Variants in EMID1 observed in about 807,000 individuals in gnomAD.
The protein encoded by EMID1 is EMI domain-containing protein 1.
EMID1 carries 40 observed loss-of-function variants against 60.6 expected under a neutral mutation model. That is an observed-to-expected ratio of 0.66 (90% CI 0.51 to 0.86). The LOEUF is 0.86. Ranked by LOEUF, EMID1 falls within the 40% of genes least tolerant of loss-of-function variation. The pLI is 0.00. For missense variants in EMID1, 585 were observed against 597.1 expected (o/e 0.98, Z 0.21); for synonymous variants, 242 against 231.0 (o/e 1.05, Z -0.43).
intron 13 of EMID1, among the ~76,000 whole-genome samples, chr22:29,247,751 T>A (rs892196876): frequency 4.0e-5 from 6 of 151,772 alleles, no homozygotes; most frequent in Admixed American, 3.3e-4. Context: ...TGCCTCAGCC[T>A]CCTGGGTAGC....
At position 29,224,186 on chromosome 22, in the gene EMID1, C is replaced by T. The variant is rs539461202; in HGVS notation, c.320-947C>T. On this transcript the variant is annotated intron_variant, in intron 3 of 14. Coordinates refer to ENST00000334018, the MANE Select transcript of EMID1 (RefSeq NM_133455.4). The stretch of plus-strand genomic sequence containing the variant: ...CCGCTGGGGGCTGGCCAGAGGGACC[C>T]GTCTGGTTTGAGTTCCCGGCGCCTC... Among the ~76,000 whole-genome samples the T allele has an allele frequency of 7.0e-4, 107 of 152,332 alleles. 2 individuals carry two copies. The South Asian group carries it at 0.019, about 27-fold the overall frequency.
chr22:29,231,076 G>T lies in EMID1; in HGVS notation c.522G>T (p.Glu174Asp). 6.2e-7 allele frequency: 1 copy of T among 1,613,944 alleles called. No homozygotes were observed. The highest frequency in any genetic ancestry group is 1.7e-5 in the Admixed American group (1 of 59,994). Residue 174 changes from glutamate to aspartate, a missense_variant, in exon 6 of 15, where the codon GAG (glutamate) becomes GAT (aspartate). Coordinates refer to ENST00000334018, the MANE Select transcript of EMID1 (RefSeq NM_133455.4). ...QPVPPTPATP[E>D]DPAPLWGPPP... ...TACCTCCAACACCAGCTACCCCTGA[G>T]GACCCTGCCCCGCTCTGGGGTCCCC...
At chr22:29,219,039 C>T (rs1382788706) in intron 3 of EMID1, among the ~76,000 whole-genome samples, 1 of 152,104 alleles carries the variant, frequency 6.6e-6, no homozygotes, top group Non-Finnish European at 1.5e-5. Flanking sequence ...AGGTTTACCC[C>T]CTGCAGGAGC....
chr22:29,210,250 ATTTT>A (rs132374), intron 1 of EMID1, among the ~76,000 whole-genome samples: 8 of 126,846 alleles, frequency 6.3e-5, no homozygotes, highest in Admixed American at 1.6e-4. Context: ...CACATGGCAA[ATTTT>A]TTTTTTTTTT....
At chr22:29,245,902 A>G (rs953766325) in intron 13 of EMID1, among the ~76,000 whole-genome samples, 30 of 152,280 alleles carry the variant, frequency 2.0e-4, no homozygotes, top group Non-Finnish European at 3.5e-4. Context: ...ACCAGCTACC[A>G]TTCCCCAAGC....
chr22:29,252,023 G>A (rs553736568), intron 13 of EMID1, among the ~76,000 whole-genome samples: 1 of 152,284 alleles, frequency 6.6e-6, no homozygotes, highest in East Asian at 1.9e-4. Flanking sequence ...TGCCCAGGCT[G>A]GTCTCAAACT....
At chr22:29,244,882 G>A (rs1602028983) in intron 13 of EMID1, among the ~76,000 whole-genome samples, 1 of 152,154 alleles carries the variant, frequency 6.6e-6, no homozygotes, top group African/African-American at 2.4e-5. Context: ...TCAGGAGAGA[G>A]AGACAACTAG....
chr22:29,234,191 G>A lies in EMID1; in HGVS notation c.1021G>A (p.Gly341Ser), dbSNP rs1262509341. ...AATCTCTGGCCACCCAGGAGAGAAG[G>A]GCGAGAGAGTGAGTACCCAGGTGGC... Reference protein sequence around the residue: ...KGISGHPGEKGERGLRGEPGP... With the variant: ...KGISGHPGEKSERGLRGEPGP... Residue 341 changes from glycine (G) to serine (S), a missense_variant, in exon 11 of 15, where the codon GGC becomes AGC. Physicochemically the swap from Gly to Ser is moderately conservative, Grantham distance 56. Transcript: ENST00000334018. 2 of 1,605,060 alleles carry A rather than the reference G, an allele frequency of 1.2e-6. No individual in the cohort carries two copies. The highest frequency in any genetic ancestry group is 2.2e-5 in the East Asian group (1 of 44,576).
chr22:29,206,922 T>C (rs934258765), intron 1 of EMID1, among the ~76,000 whole-genome samples: 1 of 152,230 alleles, frequency 6.6e-6, no homozygotes, highest in African/African-American at 2.4e-5. Flanking sequence ...AATCTGCCCT[T>C]CTATCCTTGA....
intron 13 of EMID1, among the ~76,000 whole-genome samples, chr22:29,243,817 G>A (rs1344400290): frequency 6.6e-6 from 1 of 152,224 alleles, no homozygotes; most frequent in Non-Finnish European, 1.5e-5. Context: ...ACCCAGGCCA[G>A]ACTGCATCCC....
intron 12 of EMID1, among the ~76,000 whole-genome samples, chr22:29,238,375 C>G (rs1055846627): frequency 7.1e-6 from 1 of 140,046 alleles, no homozygotes; most frequent in East Asian, 2.1e-4. Flanking sequence ...CCGCCTCCAC[C>G]TCTCGAGTAG....
intron 4 of EMID1, 53 bp from the exon 5 acceptor site, chr22:29,226,437 G>C (rs2040512196): frequency 1.3e-6 from 2 of 1,590,600 alleles, no homozygotes. Flanking sequence ...GAAGGGTTCT[G>C]AGGGGAAGCC....
chr22:29,211,479 G>C lies in EMID1; in HGVS notation c.102-3447G>C, dbSNP rs948786008. Among the ~76,000 whole-genome samples the C allele has an allele frequency of 3.3e-5, 5 of 151,832 alleles. No individual in the cohort carries two copies. In the South Asian group the frequency reaches 1.0e-3, roughly 32 times the overall value. Reference sequence around the variant, plus strand: ...GCTCACTGCAGTGCGTATTTGCCCTGTGTGCCTGTGTGTGCATGTGTGTGC... The same window carrying C: ...GCTCACTGCAGTGCGTATTTGCCCTCTGTGCCTGTGTGTGCATGTGTGTGC... On this transcript the variant is annotated intron_variant, in intron 1 of 14. Coordinates refer to ENST00000334018, the MANE Select transcript of EMID1 (RefSeq NM_133455.4).
At chr22:29,225,680 G>T (rs2040479005) in intron 4 of EMID1, among the ~76,000 whole-genome samples, 1 of 152,120 alleles carries the variant, frequency 6.6e-6, no homozygotes, top group East Asian at 1.9e-4. Flanking sequence ...AGCCAGGAGT[G>T]GGGGCAGCAC....
chr22:29,258,945 G>C lies in EMID1; in HGVS notation c.*1G>C. On this transcript the variant is annotated 3_prime_UTR_variant, in exon 15 of 15. Coordinates refer to ENST00000334018, the MANE Select transcript of EMID1 (RefSeq NM_133455.4). ...CAGGAGCCGGGACGAGAGAGGCTGA[G>C]GGTGGTGGCGGCCCCTGAGGCAGAC... 6.2e-7 allele frequency: 1 copy of C among 1,611,384 alleles called. No homozygotes were observed. Among genetic ancestry groups the C allele is most frequent in the Non-Finnish European group, 8.5e-7 (1 of 1,178,898 alleles).
intron 13 of EMID1, among the ~76,000 whole-genome samples, chr22:29,252,958 G>A (rs1393266224): frequency 2.0e-5 from 3 of 152,140 alleles, no homozygotes; most frequent in Non-Finnish European, 4.4e-5. Flanking sequence ...AATTTTAAGC[G>A]CAAGTTCTCC....
intron 4 of EMID1, among the ~76,000 whole-genome samples, chr22:29,225,933 G>A (rs1164100997): frequency 6.6e-6 from 1 of 152,178 alleles, no homozygotes; most frequent in Non-Finnish European, 1.5e-5. Context: ...TGGGTCAGGG[G>A]AGGCTCAGAG....
At chr22:29,206,263 A>G in intron 1 of EMID1, 124 bp downstream of exon 1, 2 of 759,144 alleles carry the variant, frequency 2.6e-6, no homozygotes, top group Non-Finnish European at 3.5e-6. Context: ...GGGCAGGGAC[A>G]CGGCCATCCC....
intron 3 of EMID1, among the ~76,000 whole-genome samples, chr22:29,223,055 C>T (rs1449171430): frequency 6.6e-6 from 1 of 152,174 alleles, no homozygotes; most frequent in Admixed American, 6.5e-5. Context: ...TGCACCACTG[C>T]ACTCCAGTCT....
Sources: gnomAD v4.1 joint callset for allele counts (sites outside exome capture counted in the v4.1 genomes callset) on GRCh38, gnomAD v4.1.1 for gene constraint, MANE v1.5 for transcripts, NCBI Gene and HGNC (gene_info 2026-07-23, HGNC 2026-07-21) for gene names.